EBF2: variants seen among roughly 807,000 people sequenced by gnomAD.
The protein encoded by EBF2 is EBF transcription factor 2, also known as transcription factor COE2.
Under a neutral mutation model 72.8 loss-of-function variants are expected in EBF2, and 21 were observed. The ratio of observed to expected loss-of-function variants is 0.29; its 90% CI spans 0.20 to 0.42. The LOEUF (loss-of-function observed/expected upper bound fraction) is 0.42, where lower values mean the gene tolerates loss of function less well. Among genes scored for constraint, EBF2 ranks in the 10% least tolerant of loss-of-function variants. The probability of loss-of-function intolerance (pLI) is 1.00; values close to 1 mark genes in which losing one functional copy is unlikely to be tolerated. For missense variants in EBF2, 637 were observed against 731.2 expected (o/e 0.87, Z 1.49); for synonymous variants, 299 against 274.2 (o/e 1.09, Z -0.89).
intron 6 of EBF2, among the ~76,000 whole-genome samples, chr8:25,937,341 G>A (rs1368051037): frequency 1.3e-5 from 2 of 152,054 alleles, no homozygotes; most frequent in African/African-American, 4.8e-5. Flanking sequence ...CCATACAAGG[G>A]AACAAAGTTT....
intron 6 of EBF2, among the ~76,000 whole-genome samples, chr8:25,986,780 C>T (rs1804466709): frequency 6.6e-6 from 1 of 152,150 alleles, no homozygotes; most frequent in Non-Finnish European, 1.5e-5. Context: ...GAGACGGTTC[C>T]TAAGATAAAA....
chr8:26,012,712 A>C (rs1805045594), intron 6 of EBF2, among the ~76,000 whole-genome samples: 1 of 152,218 alleles, frequency 6.6e-6, no homozygotes, highest in Non-Finnish European at 1.5e-5. Context: ...GGTGTTTGCC[A>C]GATTTCAAAC....
chr8:26,034,997 T>G (rs1805474246), intron 5 of EBF2, among the ~76,000 whole-genome samples: 1 of 152,218 alleles, frequency 6.6e-6, no homozygotes, highest in Non-Finnish European at 1.5e-5. Context: ...GTGTTGGATT[T>G]GATTCTCTCT....
At position 26,023,555 on chromosome 8, in the gene EBF2, G is replaced by A. The variant is rs142139923; in HGVS notation, c.551+9530C>T. Among the ~76,000 whole-genome samples, 638 of 152,256 alleles carry A rather than the reference G, an allele frequency of 4.2e-3. 4 individuals are homozygous for A. Among genetic ancestry groups the A allele is most frequent in the African/African-American group, 0.012 (493 of 41,548 alleles). ...AGAGAATGCTAGTCATGGTGAGTTG[G>A]TTTTCGTCTTTCTCCCTCTTTTCTA... is the stretch of plus-strand genomic sequence containing the variant. On this transcript the variant is annotated intron_variant, in intron 6 of 15. Coordinates refer to ENST00000520164, the MANE Select transcript of EBF2 (RefSeq NM_022659.4).
At chr8:25,898,206 A>G (rs1337505763) in intron 7 of EBF2, among the ~76,000 whole-genome samples, 1 of 152,224 alleles carries the variant, frequency 6.6e-6, no homozygotes, top group African/African-American at 2.4e-5. Flanking sequence ...CATAAATTGA[A>G]GGCTATCACA....
intron 6 of EBF2, among the ~76,000 whole-genome samples, chr8:25,924,122 C>T (rs1438120886): frequency 2.0e-5 from 3 of 152,186 alleles, no homozygotes; most frequent in African/African-American, 7.2e-5. Context: ...ACAATATTTT[C>T]ATCTCTCTGT....
Position 25,867,611 on chromosome 8 carries a change from C to T in EBF2, c.1010-4814G>A, listed in dbSNP as rs144547196. On this transcript the variant is annotated intron_variant, in intron 10 of 15. Coordinates refer to ENST00000520164, the MANE Select transcript of EBF2 (RefSeq NM_022659.4). ...CCAGGCAGTCCTCAGCTTTGCTGTACGTTCCCCTGGGCAACTTCATCAATT... is the reference window on the plus strand; with the variant it reads ...CCAGGCAGTCCTCAGCTTTGCTGTATGTTCCCCTGGGCAACTTCATCAATT... 2.0e-3 allele frequency among the ~76,000 whole-genome samples: 311 copies of T among 152,316 alleles called. 2 individuals are homozygous for T. The highest frequency in any genetic ancestry group is 7.1e-3 in the African/African-American group (297 of 41,558).
At chr8:26,037,324 C>T (rs949325206) in intron 5 of EBF2, among the ~76,000 whole-genome samples, 3 of 152,176 alleles carry the variant, frequency 2.0e-5, no homozygotes, top group African/African-American at 7.2e-5. Context: ...CAGCCAAACT[C>T]CAGCTCACGA....
chr8:26,025,012 A>G (rs1472361799), intron 6 of EBF2, among the ~76,000 whole-genome samples: 1 of 152,234 alleles, frequency 6.6e-6, no homozygotes, highest in East Asian at 1.9e-4. Context: ...TTTGTGATAA[A>G]TGTCAAGGGA....
chr8:25,915,409 T>G (rs1044457653), intron 6 of EBF2, among the ~76,000 whole-genome samples: 1 of 152,140 alleles, frequency 6.6e-6, no homozygotes, highest in Non-Finnish European at 1.5e-5. Context: ...GAGTCCTTCA[T>G]GTTGCAAAAT....
At chr8:25,977,906 G>A (rs1480319046) in intron 6 of EBF2, among the ~76,000 whole-genome samples, 1 of 152,144 alleles carries the variant, frequency 6.6e-6, no homozygotes, top group East Asian at 1.9e-4. Context: ...GATAAGTTAG[G>A]GATCATTATT....
chr8:25,991,011 A>G (rs1285996571), intron 6 of EBF2, among the ~76,000 whole-genome samples: 1 of 152,192 alleles, frequency 6.6e-6, no homozygotes, highest in Non-Finnish European at 1.5e-5. Flanking sequence ...TGGGTCTGGG[A>G]AAAGGATATC....
intron 6 of EBF2, among the ~76,000 whole-genome samples, chr8:25,948,236 T>G (rs1477777510): frequency 1.3e-5 from 2 of 152,222 alleles, no homozygotes; most frequent in African/African-American, 2.4e-5. Flanking sequence ...GTGCACCGTC[T>G]TTCCTGCCGC....
chr8:25,864,243 G>A (rs562738313), intron 10 of EBF2, among the ~76,000 whole-genome samples: 5 of 152,214 alleles, frequency 3.3e-5, no homozygotes, highest in South Asian at 2.1e-4. Flanking sequence ...CCAGCAATGC[G>A]TGTGCTCATT....
chr8:26,026,104 G>A (rs1193491208), intron 6 of EBF2, among the ~76,000 whole-genome samples: 2 of 152,172 alleles, frequency 1.3e-5, no homozygotes, highest in African/African-American at 2.4e-5. Context: ...TTAAGCCCAG[G>A]AGTTTGAGAT....
At chr8:25,992,486 T>A (rs1585219165) in intron 6 of EBF2, among the ~76,000 whole-genome samples, 1 of 152,148 alleles carries the variant, frequency 6.6e-6, no homozygotes, top group Non-Finnish European at 1.5e-5. Flanking sequence ...GCCACCTCCA[T>A]TTGGTGGTGC....
At chr8:25,849,077 CTAGGAATTAGACATCT>C (rs1801904387) in intron 15 of EBF2, among the ~76,000 whole-genome samples, 4 of 152,288 alleles carry the variant, frequency 2.6e-5, no homozygotes, top group African/African-American at 9.6e-5. Context: ...GCCTATTTCT[CTAGGAATTAGACATCT>C]GGGTGAAAAT....
chr8:26,040,889 C>G, intron 3 of EBF2, 50 bp downstream of exon 3: 1 of 1,611,462 alleles, frequency 6.2e-7, no homozygotes, highest in Non-Finnish European at 8.5e-7. Context: ...GCGTGCGGCC[C>G]GGAAGCCGGC....
At chr8:25,931,814 G>A (rs1000613899) in intron 6 of EBF2, among the ~76,000 whole-genome samples, 37 of 152,204 alleles carry the variant, frequency 2.4e-4, no homozygotes, top group Admixed American at 3.9e-4. Context: ...AATTCATAAC[G>A]CCCATCGGCT....
Sources: gnomAD v4.1 joint callset for allele counts (sites outside exome capture counted in the v4.1 genomes callset) on GRCh38, gnomAD v4.1.1 for gene constraint, MANE v1.5 for transcripts, NCBI Gene and HGNC (gene_info 2026-07-23, HGNC 2026-07-21) for gene names.